The following KCNIP1 variants were observed in gnomAD, a reference collection of about 807,000 sequenced individuals.
KCNIP1 encodes the protein potassium voltage-gated channel interacting protein 1.
KCNIP1 carries 18 observed loss-of-function variants against 33.0 expected under a neutral mutation model. The ratio of observed to expected loss-of-function variants is 0.55; its 90% CI spans 0.38 to 0.81. KCNIP1 has a LOEUF of 0.81. KCNIP1 is among the 30% of genes least tolerant of loss of function. KCNIP1 has a pLI of 0.00. For missense variants in KCNIP1, 238 were observed against 271.6 expected, an observed-to-expected ratio of 0.88 and a Z score of 0.87; for synonymous variants, 93 against 98.3, an observed-to-expected ratio of 0.95 and a Z score of 0.32.
intron 1 of KCNIP1, among the ~76,000 whole-genome samples, chr5:170,601,541 G>A (rs1414740060): frequency 3.3e-5 from 5 of 152,190 alleles, no homozygotes; most frequent in Non-Finnish European, 7.3e-5. Context: ...TAGGACACAT[G>A]TTGTATTAAA....
intron 7 of KCNIP1, 105 bp downstream of exon 7, chr5:170,734,003 AC>A: frequency 1.2e-6 from 1 of 823,244 alleles, no homozygotes; most frequent in Non-Finnish European, 2.0e-6. Context: ...CATACCTGCA[AC>A]CCCTCCCATC....
intron 1 of KCNIP1, among the ~76,000 whole-genome samples, chr5:170,636,678 C>T (rs1439536816): frequency 6.6e-6 from 1 of 152,122 alleles, no homozygotes; most frequent in Non-Finnish European, 1.5e-5. Context: ...CCCCCAAGAT[C>T]GCACAGCAAG....
chr5:170,680,243 C>T (rs1012258167), intron 1 of KCNIP1, among the ~76,000 whole-genome samples: 1 of 152,154 alleles, frequency 6.6e-6, no homozygotes, highest in African/African-American at 2.4e-5. Flanking sequence ...TTCCCTTTTC[C>T]CCATGTCAAG....
At chr5:170,613,553 C>T (rs906181527) in intron 1 of KCNIP1, among the ~76,000 whole-genome samples, 1 of 151,664 alleles carries the variant, frequency 6.6e-6, no homozygotes, top group East Asian at 1.9e-4. Flanking sequence ...AAGATTTGAA[C>T]CTGAAGGAGA....
chr5:170,723,738 A>G (rs1052265697), intron 5 of KCNIP1, among the ~76,000 whole-genome samples: 1 of 152,216 alleles, frequency 6.6e-6, no homozygotes, highest in African/African-American at 2.4e-5. Context: ...GACAATAAAC[A>G]GGCCAAAAAG....
At chr5:170,672,486 G>A (rs995849681) in intron 1 of KCNIP1, among the ~76,000 whole-genome samples, 3 of 152,258 alleles carry the variant, frequency 2.0e-5, no homozygotes, top group African/African-American at 7.2e-5. Flanking sequence ...GTTCAGTGTG[G>A]CTGACCTTGC....
chr5:170,699,353 T>C (rs1211158242), intron 1 of KCNIP1, among the ~76,000 whole-genome samples: 3 of 152,096 alleles, frequency 2.0e-5, no homozygotes, highest in Non-Finnish European at 4.4e-5. Context: ...CTAGGAATTT[T>C]TCTGAGAACT....
At chr5:170,374,833 G>T (rs972467931) in intron 1 of KCNIP1, 1 of 152,342 alleles carries the variant, frequency 6.6e-6, no homozygotes, top group Middle Eastern at 3.4e-3. Context: ...GCAGACAGTT[G>T]TGGCATTTGC....
intron 1 of KCNIP1, among the ~76,000 whole-genome samples, chr5:170,630,754 C>G (rs559201909): frequency 3.3e-5 from 5 of 152,256 alleles, no homozygotes; most frequent in East Asian, 1.9e-4. Context: ...CAGGGAAATG[C>G]CTGGTGGGGA....
intron 1 of KCNIP1, among the ~76,000 whole-genome samples, chr5:170,665,620 T>C (rs1761674918): frequency 6.6e-6 from 1 of 152,226 alleles, no homozygotes; most frequent in East Asian, 1.9e-4. Context: ...TGTTGCAATA[T>C]TATTATTTGC....
At chr5:170,354,175 C>G (rs1763284547) in intron 1 of KCNIP1, among the ~76,000 whole-genome samples, 1 of 152,098 alleles carries the variant, frequency 6.6e-6, no homozygotes, top group Non-Finnish European at 1.5e-5. Flanking sequence ...GCTGTAATTG[C>G]CTGGAACTTT....
intron 1 of KCNIP1, among the ~76,000 whole-genome samples, chr5:170,402,725 A>G (rs868701644): frequency 2.0e-5 from 3 of 152,300 alleles, no homozygotes; most frequent in Middle Eastern, 3.4e-3. Flanking sequence ...GTAGCCCCTG[A>G]AGGCTCAGTG....
chr5:170,359,608 G>C (rs2113284420), intron 1 of KCNIP1, among the ~76,000 whole-genome samples: 1 of 152,304 alleles, frequency 6.6e-6, no homozygotes, highest in Middle Eastern at 3.4e-3. Flanking sequence ...TTTGTCACAG[G>C]AAGAAAGTTT....
At position 170,371,780 on chromosome 5, in the gene KCNIP1, AGT is replaced by A. The variant is rs1269975619; in HGVS notation, c.88+17818_88+17819del. Among the ~76,000 whole-genome samples the A allele has an allele frequency of 6.6e-5, 10 of 152,360 alleles. No individual in the cohort carries two copies. In the South Asian group the frequency reaches 1.9e-3, roughly 28 times the overall value. ...TCAGCTAAATATATGCCCAAATGAA[AGT>A]GGCTCCATCTTGCTATAGTGAGTTA... is the stretch of plus-strand genomic sequence containing the variant. On this transcript the variant is annotated intron_variant, in intron 1 of 7. Transcript: ENST00000377360.
intron 1 of KCNIP1, among the ~76,000 whole-genome samples, chr5:170,427,461 A>G (rs1204339117): frequency 6.6e-6 from 1 of 152,156 alleles, no homozygotes; most frequent in Non-Finnish European, 1.5e-5. Context: ...CAGTTTTGAG[A>G]TAGGCACAGA....
intron 1 of KCNIP1, among the ~76,000 whole-genome samples, chr5:170,572,030 T>C (rs1289363585): frequency 6.6e-6 from 1 of 152,062 alleles, no homozygotes; most frequent in African/African-American, 2.4e-5. Flanking sequence ...GCCCAAGTAG[T>C]CTACTTGTAG....
At chr5:170,602,183 T>A (rs1279074192) in intron 1 of KCNIP1, among the ~76,000 whole-genome samples, 1 of 152,220 alleles carries the variant, frequency 6.6e-6, no homozygotes, top group Non-Finnish European at 1.5e-5. Flanking sequence ...TTGGGGACAG[T>A]AAGTCAGTCA....
At chr5:170,549,079 T>G (rs1756513156) in intron 1 of KCNIP1, among the ~76,000 whole-genome samples, 1 of 152,080 alleles carries the variant, frequency 6.6e-6, no homozygotes, top group African/African-American at 2.4e-5. Context: ...CTCTTCTGCC[T>G]TCACTCCATG....
chr5:170,355,074 G>A lies in KCNIP1; in HGVS notation c.88+1110G>A, dbSNP rs559418395. 1.1e-4 allele frequency among the ~76,000 whole-genome samples: 16 copies of A among 152,352 alleles called. No individual in the cohort carries two copies. In the South Asian group the frequency reaches 2.5e-3, roughly 24 times the overall value. On this transcript the variant is annotated intron_variant, in intron 1 of 7. Transcript: ENST00000377360. ...ACCCAGCGGGTCTGGCCCAGTGTAC[G>A]TTGTGTGGCATGTGTGGGTGGTGGG...
Sources: gnomAD v4.1 joint callset for allele counts (sites outside exome capture counted in the v4.1 genomes callset) on GRCh38, gnomAD v4.1.1 for gene constraint, MANE v1.5 for transcripts, NCBI Gene and HGNC (gene_info 2026-07-23, HGNC 2026-07-21) for gene names.